ASB1: variants seen among roughly 807,000 people sequenced by gnomAD.
ASB1 encodes the protein ankyrin repeat and SOCS box containing 1.
Under a neutral mutation model 27.7 loss-of-function variants are expected in ASB1, and 18 were observed. The ratio of observed to expected loss-of-function variants is 0.65; its 90% CI spans 0.45 to 0.96. The LOEUF (loss-of-function observed/expected upper bound fraction) is 0.96. Ranked by LOEUF, ASB1 falls within the 50% of genes least tolerant of loss-of-function variation. The pLI, the probability that ASB1 is intolerant of heterozygous loss-of-function variation, is 0.00. For synonymous variants in ASB1, 189 were observed against 187.6 expected (o/e 1.01, Z -0.06); for missense variants, 397 against 451.7 (o/e 0.88, Z 1.10).
intron 1 of ASB1, among the ~76,000 whole-genome samples, chr2:238,431,436 G>C (rs1701870135): frequency 6.6e-6 from 1 of 152,228 alleles, no homozygotes. Context: ...AGACTACTCA[G>C]ATTTCCTCTA....
intron 3 of ASB1, among the ~76,000 whole-genome samples, chr2:238,441,682 G>T (rs375368497): frequency 6.6e-6 from 1 of 152,238 alleles, no homozygotes; most frequent in African/African-American, 2.4e-5. Flanking sequence ...GCTGCACAGC[G>T]TGGCGTTGTG....
In ASB1 at chr2:238,444,394, C is replaced by T. The variant is rs1394284551; in HGVS notation, c.547C>T (p.Arg183Ter). 18 of 1,613,464 alleles carry T rather than the reference C, an allele frequency of 1.1e-5. No homozygotes were observed. Among genetic ancestry groups the T allele is most frequent in the Middle Eastern group, 1.7e-4 (1 of 6,060 alleles). ...NHHLTPDVQP[R>*]FSRRLTSLVV... ...CCACCTGACTCCTGATGTCCAGCCT[C>T]GATTCTCCCGGCGGCTCACCTCCTT... The change falls in exon 4 of 5, where the codon CGA becomes TGA. Residue 183 changes from arginine (R) to a stop codon, truncating the protein, a stop_gained. Transcript: ENST00000264607. LOFTEE classifies it high-confidence loss of function.
Position 238,448,770 on chromosome 2 carries a change from G to A in ASB1, c.*2259G>A, listed in dbSNP as rs541362579. On this transcript the variant is annotated 3_prime_UTR_variant, in exon 5 of 5. Coordinates refer to ENST00000264607, the MANE Select transcript of ASB1 (RefSeq NM_001040445.3). ...GCTGCACAGAGGCAAGGACCCAGAT[G>A]TGGCAGCATGGGCGTCATGCTCCTT... 2.0e-5 allele frequency: 3 copies of A among 152,604 alleles called. No individual in the cohort carries two copies. Among genetic ancestry groups the A allele is most frequent in the South Asian group, 2.1e-4 (1 of 4,828 alleles). 9.5% of individuals were successfully genotyped at this position (152,604 alleles called of 1,614,324 possible).
intron 1 of ASB1, chr2:238,427,472 A>G (rs1234617035): frequency 4.6e-6 from 1 of 218,722 alleles, no homozygotes; most frequent in Non-Finnish European, 9.0e-6. Context: ...ACGGATCAGG[A>G]AAGCCAGCCA....
chr2:238,438,345 A>G (rs954691797), intron 3 of ASB1, among the ~76,000 whole-genome samples: 4 of 151,822 alleles, frequency 2.6e-5, no homozygotes, highest in South Asian at 2.1e-4. Flanking sequence ...GACTACAGGC[A>G]CCCACCACCA....
At chr2:238,440,577 C>T (rs1234768323) in intron 3 of ASB1, among the ~76,000 whole-genome samples, 2 of 152,208 alleles carry the variant, frequency 1.3e-5, no homozygotes, top group Non-Finnish European at 2.9e-5. Flanking sequence ...TGGGCTCTCA[C>T]CTCTCATGCC....
chr2:238,428,128 A>G (rs555504324), intron 1 of ASB1, among the ~76,000 whole-genome samples: 1 of 152,300 alleles, frequency 6.6e-6, no homozygotes, highest in African/African-American at 2.4e-5. Context: ...GTTGGCGTTG[A>G]CTTTGACTTC....
In ASB1 at chr2:238,433,025, C is replaced by T. The variant is rs149656764; in HGVS notation, c.50-529C>T. Among the ~76,000 whole-genome samples, 766 of 152,298 alleles carry T rather than the reference C, an allele frequency of 5.0e-3. 4 individuals carry two copies. The highest frequency in any genetic ancestry group is 8.3e-3 in the Non-Finnish European group (563 of 68,022). On this transcript the variant is annotated intron_variant, in intron 1 of 4. Coordinates refer to ENST00000264607, the MANE Select transcript of ASB1 (RefSeq NM_001040445.3). ...CCTCTCAAAGTTCTGGGATTACAGG[C>T]GTGAGCCACCTCACCTGGCTCAATC...
chr2:238,442,392 A>G (rs554747022), intron 3 of ASB1, among the ~76,000 whole-genome samples: 6 of 152,258 alleles, frequency 3.9e-5, no homozygotes, highest in Non-Finnish European at 8.8e-5. Context: ...GATTACAGGC[A>G]TGAGCCACCA....
In ASB1 at chr2:238,447,777, G is replaced by A. The variant is rs1294912638; in HGVS notation, c.*1266G>A. 2.0e-5 allele frequency: 3 copies of A among 152,248 alleles called. No individual in the cohort carries two copies. Among genetic ancestry groups the A allele is most frequent in the Non-Finnish European group, 4.4e-5 (3 of 68,044 alleles). The allele number at this position is 152,248 out of a possible 1,614,324, so 9.4% of individuals were successfully genotyped here. On this transcript the variant is annotated 3_prime_UTR_variant, in exon 5 of 5. Transcript: ENST00000264607. ...CTGTGTTTGATTTTCTGTAATAAGA[G>A]AAATCCAATTTGTAAAACTTGAACA...
Position 238,449,239 on chromosome 2 carries a change from T to A in ASB1, c.*2728T>A, listed in dbSNP as rs1047650123. On this transcript the variant is annotated 3_prime_UTR_variant, in exon 5 of 5. Coordinates refer to ENST00000264607, the MANE Select transcript of ASB1 (RefSeq NM_001040445.3). ...CTGTTGGCAAGGACAGGTTACAGAA[T>A]AGGAAGAGTAGCACTTTCCGCCTAA... 6.6e-6 allele frequency: 1 copy of A among 152,202 alleles called. No homozygotes were observed. The highest frequency in any genetic ancestry group is 1.5e-5 in the Non-Finnish European group (1 of 68,046). The allele number at this position is 152,202 out of a possible 1,614,324, so 9.4% of individuals were successfully genotyped here.
chr2:238,437,091 A>G (rs1259542769), intron 3 of ASB1, among the ~76,000 whole-genome samples: 1 of 152,132 alleles, frequency 6.6e-6, no homozygotes, highest in Non-Finnish European at 1.5e-5. Context: ...GCTTTTTAAT[A>G]CAGTGAACAT....
In ASB1 at chr2:238,435,839, T is replaced by C. The variant is rs765100490; in HGVS notation, c.320T>C (p.Val107Ala). The change falls in exon 3 of 5, where the codon GTG (valine) becomes GCG (alanine). Residue 107 changes from valine (V) to alanine (A), a missense_variant. Val to Ala is a moderately conservative substitution (Grantham distance 64). Coordinates refer to ENST00000264607, the MANE Select transcript of ASB1 (RefSeq NM_001040445.3). ...LIRKGAEVDL[V>A]DVKGQTALYV... ...CGGAAGGGGGCCGAGGTGGATCTGG[T>C]GGACGTAAAAGGACAGACGGCCCTG... 6.2e-7 allele frequency: 1 copy of C among 1,614,196 alleles called. No homozygotes were observed. Among genetic ancestry groups the C allele is most frequent in the East Asian group, 2.2e-5 (1 of 44,884 alleles).
At chr2:238,444,289 G>A in intron 3 of ASB1, 53 bp from the exon 4 acceptor site, 1 of 1,541,850 alleles carries the variant, frequency 6.5e-7, no homozygotes, top group Non-Finnish European at 8.8e-7. Flanking sequence ...TGTGGGATCT[G>A]TGGGCTGTGG....
At chr2:238,441,774 T>A (rs1043478074) in intron 3 of ASB1, among the ~76,000 whole-genome samples, 1 of 152,376 alleles carries the variant, frequency 6.6e-6, no homozygotes, top group African/African-American at 2.4e-5. Flanking sequence ...GGGATGGTGC[T>A]TTAATGAATT....
intron 4 of ASB1, among the ~76,000 whole-genome samples, chr2:238,444,960 A>G (rs192420886): frequency 6.7e-6 from 1 of 150,374 alleles, no homozygotes; most frequent in East Asian, 2.0e-4. Context: ...CAGAACTCCT[A>G]GAATTATGCT....
At chr2:238,429,153 G>A (rs868498288) in intron 1 of ASB1, among the ~76,000 whole-genome samples, 120 of 152,278 alleles carry the variant, frequency 7.9e-4, no homozygotes, top group African/African-American at 2.8e-3. Context: ...TGAGTCTCAT[G>A]TACAGTAGTA....
chr2:238,433,679 G>A lies in ASB1; in HGVS notation c.175G>A (p.Glu59Lys), dbSNP rs1352058758. The A allele has an allele frequency of 6.2e-7, 1 of 1,613,916 alleles. No homozygotes were observed. Among genetic ancestry groups the A allele is most frequent in the Non-Finnish European group, 8.5e-7 (1 of 1,179,950 alleles). ...DLQTLRSLLQ[E>K]ESYRSRINEK... ...CCAGACCCTCAGGAGCCTATTGCAA[G>A]AGGAGAGCTACCGGAGGTGAGCGGC... Residue 59 changes from glutamate to lysine, a missense_variant, in exon 2 of 5, where the codon GAG becomes AAG. Glu to Lys is a moderately conservative substitution (Grantham distance 56, BLOSUM62 1). Transcript: ENST00000264607.
intron 1 of ASB1, chr2:238,427,393 T>G: frequency 2.8e-6 from 1 of 354,684 alleles, no homozygotes; most frequent in Non-Finnish European, 5.0e-6. Context: ...TCCTTCCCGT[T>G]AGCCGATACA....
Sources: allele counts gnomAD v4.1 joint callset (sites outside exome capture counted in the v4.1 genomes callset), GRCh38; gene constraint gnomAD v4.1.1; transcripts MANE v1.5; gene names NCBI Gene and HGNC (gene_info 2026-07-23, HGNC 2026-07-21).